Variants in ACVR2A observed in about 807,000 individuals in gnomAD.
ACVR2A encodes the protein activin A receptor type 2A, also known as activin receptor type-2A.
A neutral mutation model predicts 61.4 loss-of-function variants in ACVR2A; 7 were observed. The ratio of observed to expected loss-of-function variants is 0.11; its 90% CI spans 0.06 to 0.21. ACVR2A has a LOEUF of 0.21. ACVR2A is among the 10% of genes least tolerant of loss of function. ACVR2A has a pLI of 1.00. For missense variants in ACVR2A, 322 were observed against 621.7 expected (o/e 0.52, Z 5.13); for synonymous variants, 193 against 208.3 (o/e 0.93, Z 0.63).
chr2:147,906,646 CAG>C (rs1415293006), intron 4 of ACVR2A, among the ~76,000 whole-genome samples: 2 of 152,032 alleles, frequency 1.3e-5, no homozygotes, highest in Non-Finnish European at 2.9e-5. Flanking sequence ...TGAACTCAAA[CAG>C]AATCATTTTT....
intron 1 of ACVR2A, among the ~76,000 whole-genome samples, chr2:147,877,092 C>A (rs1686177361): frequency 6.6e-6 from 1 of 152,094 alleles, no homozygotes; most frequent in South Asian, 2.1e-4. Flanking sequence ...AAAAGTTGGC[C>A]AGCTGTGGCC....
chr2:147,889,914 C>G (rs1051337627), intron 1 of ACVR2A, among the ~76,000 whole-genome samples: 1 of 150,964 alleles, frequency 6.6e-6, no homozygotes, highest in Admixed American at 6.6e-5. Context: ...TAAATTAACT[C>G]ATACTAGATT....
chr2:147,926,985 C>A (rs927963458), intron 10 of ACVR2A, 95 bp from the exon 11 acceptor site: 3 of 1,211,036 alleles, frequency 2.5e-6, no homozygotes, highest in Non-Finnish European at 3.5e-6. Flanking sequence ...TTCTTTGACC[C>A]AGAAAAATAG....
At chr2:147,883,649 A>G (rs557532529) in intron 1 of ACVR2A, among the ~76,000 whole-genome samples, 49 of 152,274 alleles carry the variant, frequency 3.2e-4, no homozygotes, top group Admixed American at 1.6e-3. Context: ...AAGTGATTCT[A>G]TATCCATTGT....
intron 1 of ACVR2A, among the ~76,000 whole-genome samples, chr2:147,886,327 A>T (rs1686430698): frequency 6.6e-6 from 1 of 152,066 alleles, no homozygotes; most frequent in Non-Finnish European, 1.5e-5. Flanking sequence ...AACTTCATTA[A>T]CTCTTCCCAG....
chr2:147,927,384 G>A lies in ACVR2A; in HGVS notation c.*110G>A. On this transcript the variant is annotated 3_prime_UTR_variant, in exon 11 of 11. Coordinates refer to ENST00000241416, the MANE Select transcript of ACVR2A (RefSeq NM_001616.5). ...GTGTAAAATGAGTAGGATGTCTCTTGGAAATGTTAAGAAAGAAGACCCTTT... is the reference window on the plus strand; with the variant it reads ...GTGTAAAATGAGTAGGATGTCTCTTAGAAATGTTAAGAAAGAAGACCCTTT... 9.2e-7 allele frequency: 1 copy of A among 1,085,228 alleles called. No individual in the cohort carries two copies. The highest frequency in any genetic ancestry group is 2.7e-5 in the East Asian group (1 of 36,974). 67.2% of individuals were successfully genotyped at this position (1,085,228 alleles called of 1,614,324 possible). A position where few individuals can be genotyped will look rare whatever the true frequency, so the allele number is the denominator to read the frequency against.
At chr2:147,904,281 C>A (rs1452067877) in intron 4 of ACVR2A, among the ~76,000 whole-genome samples, 1 of 151,884 alleles carries the variant, frequency 6.6e-6, no homozygotes, top group African/African-American at 2.4e-5. Context: ...TTGATGGACT[C>A]TATTATTAAG....
At chr2:147,906,606 T>C (rs559277898) in intron 4 of ACVR2A, among the ~76,000 whole-genome samples, 2 of 152,190 alleles carry the variant, frequency 1.3e-5, no homozygotes, top group Non-Finnish European at 2.9e-5. Flanking sequence ...GTATTCACTG[T>C]TATTGGTGTT....
chr2:147,899,019 A>T (rs192960040), intron 2 of ACVR2A, among the ~76,000 whole-genome samples: 53 of 152,296 alleles, frequency 3.5e-4, no homozygotes, highest in Non-Finnish European at 6.3e-4. Context: ...ATATGTATAC[A>T]TACACACACA....
At chr2:147,852,700 A>AT (rs921694938) in intron 1 of ACVR2A, among the ~76,000 whole-genome samples, 1 of 152,036 alleles carries the variant, frequency 6.6e-6, no homozygotes, top group Non-Finnish European at 1.5e-5. Context: ...GGGAGTTGGG[A>AT]TTTTTTAATT....
intron 4 of ACVR2A, among the ~76,000 whole-genome samples, chr2:147,901,684 A>T (rs181325909): frequency 6.6e-6 from 1 of 152,040 alleles, no homozygotes; most frequent in Non-Finnish European, 1.5e-5. Flanking sequence ...TAAGGAAGAA[A>T]TGTAAAGATT....
chr2:147,903,296 G>A (rs1686914672), intron 4 of ACVR2A, among the ~76,000 whole-genome samples: 1 of 150,376 alleles, frequency 6.6e-6, no homozygotes, highest in Admixed American at 6.7e-5. Flanking sequence ...TTGTTTCATG[G>A]TATCACTTTA....
chr2:147,918,383 A>G lies in ACVR2A; in HGVS notation c.817-64A>G, dbSNP rs531466013. 5.0e-6 allele frequency: 7 copies of G among 1,410,246 alleles called. No homozygotes were observed. In the African/African-American group the frequency reaches 7.4e-5, roughly 15 times the overall value. 87.4% of individuals were successfully genotyped at this position (1,410,246 alleles called of 1,614,324 possible). A position where few individuals can be genotyped will look rare whatever the true frequency, so the allele number is the denominator to read the frequency against. On this transcript the variant is annotated intron_variant, in intron 6 of 10. Coordinates refer to ENST00000241416, the MANE Select transcript of ACVR2A (RefSeq NM_001616.5). ...CACAACCTCTTATAGGTAAAAAGAA[A>G]AGTCTCCTTATACATATGGCCTTTG...
chr2:147,902,567 A>C (rs1686895284), intron 4 of ACVR2A, among the ~76,000 whole-genome samples: 1 of 152,044 alleles, frequency 6.6e-6, no homozygotes, highest in South Asian at 2.1e-4. Flanking sequence ...TAAAGAAGTC[A>C]TAGATACATA....
chr2:147,920,847 G>A (rs1326882666), intron 8 of ACVR2A, among the ~76,000 whole-genome samples: 1 of 152,026 alleles, frequency 6.6e-6, no homozygotes, highest in Non-Finnish European at 1.5e-5. Context: ...AGAGTTCAGA[G>A]CACTTGTAAA....
intron 1 of ACVR2A, among the ~76,000 whole-genome samples, chr2:147,893,231 C>G (rs990037850): frequency 7.9e-5 from 12 of 152,084 alleles, no homozygotes; most frequent in African/African-American, 2.9e-4. Context: ...TTGTAGGTAT[C>G]ACTAGTTCAT....
At chr2:147,895,077 A>G (rs1686694302) in intron 1 of ACVR2A, among the ~76,000 whole-genome samples, 1 of 152,196 alleles carries the variant, frequency 6.6e-6, no homozygotes, top group Non-Finnish European at 1.5e-5. Context: ...AATGCATAAA[A>G]TATATGTACA....
intron 1 of ACVR2A, among the ~76,000 whole-genome samples, chr2:147,857,119 C>G (rs971008153): frequency 1.3e-5 from 2 of 152,106 alleles, no homozygotes; most frequent in African/African-American, 4.8e-5. Flanking sequence ...ATCCTCACTT[C>G]TGAAGGATGG....
At chr2:147,907,282 A>G (rs1452154131) in intron 4 of ACVR2A, among the ~76,000 whole-genome samples, 1 of 152,154 alleles carries the variant, frequency 6.6e-6, no homozygotes, top group East Asian at 1.9e-4. Flanking sequence ...GCTGTTGTGA[A>G]TAGTGCTGCA....
Sources: gnomAD v4.1 joint callset for allele counts (sites outside exome capture counted in the v4.1 genomes callset) on GRCh38, gnomAD v4.1.1 for gene constraint, MANE v1.5 for transcripts, NCBI Gene and HGNC (gene_info 2026-07-23, HGNC 2026-07-21) for gene names.